Variants in BCKDHB observed in about 807,000 individuals in gnomAD.
The protein encoded by BCKDHB is 2-oxoisovalerate dehydrogenase subunit beta, mitochondrial.
In BCKDHB, 41 loss-of-function variants were observed where a neutral mutation model predicts 48.5. That is an observed-to-expected ratio of 0.85 (90% CI 0.66 to 1.10). BCKDHB has a LOEUF of 1.10. BCKDHB is among the 50% of genes least tolerant of loss of function. The pLI is 0.00. For missense variants in BCKDHB, 496 were observed against 494.2 expected (o/e 1.00, Z -0.03); for synonymous variants, 201 against 174.8 (o/e 1.15, Z -1.18).
the BCKDHB span, among the ~76,000 whole-genome samples, chr6:80,459,725 G>T: frequency 6.6e-6 from 1 of 152,086 alleles, no homozygotes; most frequent in Admixed American, 6.6e-5. Context: ...TCACCTTGTG[G>T]AAAGTTGGCA....
intron 6 of BCKDHB, among the ~76,000 whole-genome samples, chr6:80,173,153 G>C (rs1385707847): frequency 3.9e-5 from 6 of 152,100 alleles, no homozygotes; most frequent in Non-Finnish European, 7.4e-5. Context: ...GAATTGGTCA[G>C]GCAAATACAT....
chr6:80,350,881 C>G (rs1385091787), downstream of BCKDHB, among the ~76,000 whole-genome samples: 9 of 152,080 alleles, frequency 5.9e-5, no homozygotes, highest in Non-Finnish European at 1.3e-4. Flanking sequence ...GGTTCCAGGA[C>G]AAGGACCATT....
intron 8 of BCKDHB, among the ~76,000 whole-genome samples, chr6:80,268,366 A>G (rs1049447349): frequency 6.6e-6 from 1 of 152,138 alleles, no homozygotes; most frequent in African/African-American, 2.4e-5. Context: ...TTGTACTTAT[A>G]TGTATGCATT....
chr6:80,354,176 GT>G, the BCKDHB span, among the ~76,000 whole-genome samples: 2 of 151,942 alleles, frequency 1.3e-5, no homozygotes, highest in South Asian at 4.2e-4. Flanking sequence ...CTGTGCAGAA[GT>G]TTTTTAGTTT....
intron 6 of BCKDHB, among the ~76,000 whole-genome samples, chr6:80,180,823 CA>C (rs1773378148): frequency 6.6e-6 from 1 of 152,126 alleles, no homozygotes; most frequent in Non-Finnish European, 1.5e-5. Context: ...TTACATTAAG[CA>C]GATTAATTTG....
intron 9 of BCKDHB, among the ~76,000 whole-genome samples, chr6:80,318,778 A>G (rs1230061436): frequency 2.6e-5 from 4 of 152,048 alleles, no homozygotes; most frequent in Non-Finnish European, 4.4e-5. Flanking sequence ...TTCCTAGGCA[A>G]CACAGTGTAA....
At chr6:80,108,719 GC>G (rs1377040941) in intron 1 of BCKDHB, among the ~76,000 whole-genome samples, 1 of 151,998 alleles carries the variant, frequency 6.6e-6, no homozygotes. Context: ...AATTAGCTGG[GC>G]GTGGCAGCGC....
At chr6:80,261,991 G>C (rs1478623445) in intron 8 of BCKDHB, among the ~76,000 whole-genome samples, 1 of 152,140 alleles carries the variant, frequency 6.6e-6, no homozygotes, top group African/African-American at 2.4e-5. Flanking sequence ...TTTGTTTGCT[G>C]TGGGAATCTC....
intron 3 of BCKDHB, among the ~76,000 whole-genome samples, chr6:80,138,993 T>G (rs1771041808): frequency 6.6e-6 from 1 of 152,214 alleles, no homozygotes; most frequent in South Asian, 2.1e-4. Flanking sequence ...ATGATTGCCA[T>G]TCTAACTGCT....
chr6:80,169,558 A>G (rs1364446223), intron 5 of BCKDHB, among the ~76,000 whole-genome samples: 1 of 152,050 alleles, frequency 6.6e-6, no homozygotes, highest in Non-Finnish European at 1.5e-5. Context: ...ATTTTGAAGC[A>G]TCTCCTTTTT....
At chr6:80,138,278 A>C (rs1230228590) in intron 3 of BCKDHB, among the ~76,000 whole-genome samples, 1 of 133,710 alleles carries the variant, frequency 7.5e-6, no homozygotes. Context: ...AAAAACATAA[A>C]AATAAGGAAT....
intron 6 of BCKDHB, among the ~76,000 whole-genome samples, chr6:80,191,790 G>A (rs1425048809): frequency 6.6e-6 from 1 of 152,174 alleles, no homozygotes; most frequent in Non-Finnish European, 1.5e-5. Context: ...AGAAGGGTGG[G>A]GAAGTGGGAA....
chr6:80,446,739 T>TTG, the BCKDHB span, among the ~76,000 whole-genome samples: 1 of 149,932 alleles, frequency 6.7e-6, no homozygotes, highest in South Asian at 2.2e-4. Context: ...TTTTTTTTTT[T>TTG]TTTTGGTCAG....
chr6:80,374,064 T>C, the BCKDHB span: 4 of 680,418 alleles, frequency 5.9e-6, no homozygotes, highest in Non-Finnish European at 1.1e-5. Context: ...CTGGGATATC[T>C]TTTTCTTCTG....
chr6:80,387,072 G>A, the BCKDHB span, among the ~76,000 whole-genome samples: 1 of 152,142 alleles, frequency 6.6e-6, no homozygotes, highest in South Asian at 2.1e-4. Context: ...CACTGGACAT[G>A]CTCTGAGCTG....
intron 8 of BCKDHB, among the ~76,000 whole-genome samples, chr6:80,255,623 A>G (rs11967081): frequency 6.6e-6 from 1 of 152,078 alleles, no homozygotes. Flanking sequence ...TTTCCTTGTT[A>G]TAGGGATCAT....
intron 9 of BCKDHB, among the ~76,000 whole-genome samples, chr6:80,297,043 T>A (rs996607830): frequency 3.9e-5 from 6 of 152,182 alleles, no homozygotes; most frequent in Non-Finnish European, 7.3e-5. Flanking sequence ...GGTAAGAGAT[T>A]TTAATTAGGT....
At chr6:80,457,742 A>G in the BCKDHB span, among the ~76,000 whole-genome samples, 1 of 152,234 alleles carries the variant, frequency 6.6e-6, no homozygotes, top group Admixed American at 6.5e-5. Flanking sequence ...TGTTGCTAAC[A>G]TACTCATCCT....
rs748362223 is a variant in BCKDHB, at chr6:80,106,690, G to C, written c.-4G>C. ...TAGCCTGAGAATCCCGGTGGTGAGC[G>C]GGGATGGCGGTTGTAGCGGCGGCTG... On this transcript the variant is annotated 5_prime_UTR_variant, in exon 1 of 10. Coordinates refer to ENST00000320393, the MANE Select transcript of BCKDHB (RefSeq NM_183050.4). The C allele has an allele frequency of 5.8e-6, 9 of 1,553,858 alleles. No individual in the cohort carries two copies. The South Asian group carries it at 9.5e-5, about 16-fold the overall frequency.
Sources: gnomAD v4.1 joint callset for allele counts (sites outside exome capture counted in the v4.1 genomes callset) on GRCh38, gnomAD v4.1.1 for gene constraint, MANE v1.5 for transcripts, NCBI Gene and HGNC (gene_info 2026-07-23, HGNC 2026-07-21) for gene names.